Variants in CHN2 observed in about 807,000 individuals in gnomAD.
The protein encoded by CHN2 is chimerin 2.
CHN2 carries 35 observed loss-of-function variants against 56.3 expected under a neutral mutation model. That is an observed-to-expected ratio of 0.62 (90% CI 0.47 to 0.82). The LOEUF (loss-of-function observed/expected upper bound fraction) is 0.82, where lower values mean the gene tolerates loss of function less well. Among genes scored for constraint, CHN2 ranks in the 40% least tolerant of loss-of-function variants. The probability of loss-of-function intolerance (pLI) is 0.00; values close to 1 mark genes in which losing one functional copy is unlikely to be tolerated. For synonymous variants in CHN2, 210 were observed against 212.8 expected (o/e 0.99, Z 0.12); for missense variants, 491 against 580.5 (o/e 0.85, Z 1.58).
rs1360567918 is a variant in CHN2 at position 29,375,048 on chromosome 7, C to T, written c.144+7061C>T. 2.0e-5 allele frequency among the ~76,000 whole-genome samples: 3 copies of T among 151,610 alleles called. No homozygotes were observed. The East Asian group carries it at 5.8e-4, about 29-fold the overall frequency. The stretch of plus-strand genomic sequence containing the variant: ...GATTACAGGCATGTGCCACCACACC[C>T]AGCTAAATTTTTTGTATTTTTAGTA... On this transcript the variant is annotated intron_variant, in intron 3 of 12. Transcript: ENST00000222792.
intron 11 of CHN2, among the ~76,000 whole-genome samples, chr7:29,507,566 T>C (rs1259527427): frequency 6.6e-6 from 1 of 152,186 alleles, no homozygotes; most frequent in African/African-American, 2.4e-5. Flanking sequence ...TGGGCTGATG[T>C]ATGTGTCAGG....
chr7:29,426,292 C>T (rs1804862122), intron 6 of CHN2, among the ~76,000 whole-genome samples: 1 of 144,844 alleles, frequency 6.9e-6, no homozygotes, highest in South Asian at 2.2e-4. Context: ...AGAAATGTTG[C>T]CTTCAGAAAT....
At chr7:29,322,794 T>C (rs1207782107) in intron 1 of CHN2, among the ~76,000 whole-genome samples, 1 of 152,200 alleles carries the variant, frequency 6.6e-6, no homozygotes, top group East Asian at 1.9e-4. Flanking sequence ...TGGGAAGCAC[T>C]GTGTAGCCAT....
chr7:29,309,943 A>G (rs931817892), intron 1 of CHN2, among the ~76,000 whole-genome samples: 2 of 152,148 alleles, frequency 1.3e-5, no homozygotes, highest in Non-Finnish European at 2.9e-5. Flanking sequence ...TGTACCCTGG[A>G]AGCACTGGCC....
At chr7:29,292,830 T>G in intron 1 of CHN2, 1 of 450,100 alleles carries the variant, frequency 2.2e-6, no homozygotes, top group Non-Finnish European at 4.5e-6. Flanking sequence ...TTTTCTACTT[T>G]TGTTGTCACC....
At chr7:29,319,879 C>A (rs1260320506) in intron 1 of CHN2, among the ~76,000 whole-genome samples, 1 of 152,150 alleles carries the variant, frequency 6.6e-6, no homozygotes, top group African/African-American at 2.4e-5. Flanking sequence ...CCAGTGTTGT[C>A]GTGACCAGTG....
chr7:29,368,257 T>C (rs1384842348), intron 3 of CHN2, among the ~76,000 whole-genome samples: 1 of 152,184 alleles, frequency 6.6e-6, no homozygotes. Context: ...AAAATGTGTA[T>C]TCTGGATGTT....
At chr7:29,454,278 C>A (rs547180707) in intron 6 of CHN2, among the ~76,000 whole-genome samples, 1 of 152,236 alleles carries the variant, frequency 6.6e-6, no homozygotes, top group South Asian at 2.1e-4. Flanking sequence ...GTGTTTAGAG[C>A]AGTGTGTGGC....
chr7:29,166,228 C>T (rs1433761714), intron 2 of CHN2, among the ~76,000 whole-genome samples: 1 of 152,000 alleles, frequency 6.6e-6, no homozygotes, highest in Non-Finnish European at 1.5e-5. Flanking sequence ...GAGGTGGGGT[C>T]TCACTATGTT....
intron 6 of CHN2, among the ~76,000 whole-genome samples, chr7:29,433,965 C>G (rs543327433): frequency 4.6e-5 from 7 of 152,188 alleles, no homozygotes; most frequent in Admixed American, 1.3e-4. Flanking sequence ...TTACAGTTCT[C>G]TGTTAACCAC....
intron 3 of CHN2, among the ~76,000 whole-genome samples, chr7:29,382,108 G>T (rs78038440): frequency 6.6e-6 from 1 of 152,200 alleles, no homozygotes; most frequent in South Asian, 2.1e-4. Flanking sequence ...GTTGATATAT[G>T]TAAAGAAAGT....
At chr7:29,244,192 G>A (rs920351987) in intron 1 of CHN2, among the ~76,000 whole-genome samples, 18 of 152,112 alleles carry the variant, frequency 1.2e-4, no homozygotes, top group Non-Finnish European at 1.5e-4. Flanking sequence ...TGTCATTTCC[G>A]AGTCTGGGAT....
chr7:29,228,177 C>CGT (rs374910303), intron 1 of CHN2, among the ~76,000 whole-genome samples: 21 of 149,408 alleles, frequency 1.4e-4, no homozygotes, highest in African/African-American at 4.2e-4. Context: ...CACACACACA[C>CGT]GTGTGTGTGT....
intron 9 of CHN2, 130 bp downstream of exon 9, chr7:29,500,170 C>A: frequency 1.8e-6 from 1 of 565,652 alleles, no homozygotes; most frequent in Non-Finnish European, 2.9e-6. Flanking sequence ...TGTGCGCACA[C>A]ACACACTCTC....
At chr7:29,413,571 T>C (rs1479337591) in intron 6 of CHN2, among the ~76,000 whole-genome samples, 1 of 152,216 alleles carries the variant, frequency 6.6e-6, no homozygotes, top group Non-Finnish European at 1.5e-5. Flanking sequence ...ATAAACTACA[T>C]TATTTCATTC....
chr7:29,201,416 T>C (rs1007041595), intron 1 of CHN2, among the ~76,000 whole-genome samples: 1 of 145,556 alleles, frequency 6.9e-6, no homozygotes. Flanking sequence ...TCTTGTAGAC[T>C]TTTTTTTTTT....
chr7:29,264,249 C>T (rs1214427352), intron 1 of CHN2, among the ~76,000 whole-genome samples: 1 of 151,166 alleles, frequency 6.6e-6, no homozygotes, highest in South Asian at 2.1e-4. Flanking sequence ...GGCCCCTCTG[C>T]CCAGCAGCCC....
intron 9 of CHN2, among the ~76,000 whole-genome samples, chr7:29,502,762 G>A (rs867537489): frequency 1.2e-4 from 18 of 151,658 alleles, no homozygotes; most frequent in African/African-American, 3.9e-4. Context: ...TAAAAGTGAC[G>A]GGATACATGT....
chr7:29,429,018 T>A (rs1041390199), intron 6 of CHN2, among the ~76,000 whole-genome samples: 3 of 152,154 alleles, frequency 2.0e-5, no homozygotes, highest in Non-Finnish European at 2.9e-5. Context: ...TCCACTCGCA[T>A]TTTCATTGAG....
Sources: allele counts gnomAD v4.1 joint callset (sites outside exome capture counted in the v4.1 genomes callset), GRCh38; gene constraint gnomAD v4.1.1; transcripts MANE v1.5; gene names NCBI Gene and HGNC (gene_info 2026-07-23, HGNC 2026-07-21).